The following INSR variants were observed in gnomAD, a reference collection of about 807,000 sequenced individuals.
The protein encoded by INSR is IR.
INSR carries 67 observed loss-of-function variants against 142.6 expected under a neutral mutation model. The observed-to-expected ratio is 0.47, with a 90% CI of 0.39 to 0.58. The LOEUF is 0.58. Among genes scored for constraint, INSR ranks in the 20% least tolerant of loss-of-function variants. The pLI is 0.00. For synonymous variants in INSR, 756 were observed against 743.1 expected (o/e 1.02, Z -0.28); for missense variants, 1,248 against 1,833.2 (o/e 0.68, Z 5.83).
intron 1 of INSR, among the ~76,000 whole-genome samples, chr19:7,286,594 C>G (rs1295629869): frequency 6.6e-6 from 1 of 151,880 alleles, no homozygotes; most frequent in African/African-American, 2.4e-5. Flanking sequence ...CATTATGTTG[C>G]CCAGGCTGGT....
chr19:7,142,756 G>A (rs1013349084), intron 12 of INSR, 60 bp downstream of exon 12: 6 of 1,590,082 alleles, frequency 3.8e-6, no homozygotes, highest in Non-Finnish European at 4.3e-6. Flanking sequence ...TGGAGAATCT[G>A]TCCTTGGTCA....
intron 21 of INSR, among the ~76,000 whole-genome samples, chr19:7,117,908 CTTT>C (rs34720676): frequency 2.3e-5 from 3 of 133,312 alleles, no homozygotes; most frequent in African/African-American, 2.7e-5. Flanking sequence ...TGCCTGGCCG[CTTT>C]TTTTTTTTTT....
intron 1 of INSR, among the ~76,000 whole-genome samples, chr19:7,269,862 C>T (rs903598285): frequency 6.7e-6 from 1 of 148,982 alleles, no homozygotes; most frequent in African/African-American, 2.5e-5. Flanking sequence ...TTCAGATAAG[C>T]AATAATACCT....
At chr19:7,197,869 T>A (rs66921136) in intron 2 of INSR, among the ~76,000 whole-genome samples, 2 of 106,596 alleles carry the variant, frequency 1.9e-5, no homozygotes, top group Non-Finnish European at 3.9e-5. Flanking sequence ...AGAGAGTGTG[T>A]GCGCGTGTGT....
intron 2 of INSR, among the ~76,000 whole-genome samples, chr19:7,263,556 T>C (rs1977130462): frequency 6.6e-6 from 1 of 152,178 alleles, no homozygotes; most frequent in Admixed American, 6.6e-5. Context: ...CGGTTCTTTT[T>C]ATTGTTTTGT....
chr19:7,183,480 G>T (rs1974328360), intron 3 of INSR, among the ~76,000 whole-genome samples: 1 of 152,082 alleles, frequency 6.6e-6, no homozygotes, highest in Non-Finnish European at 1.5e-5. Flanking sequence ...CAAACGGCAG[G>T]AAATGGTTTG....
rs1972632329 is a variant in INSR at position 7,125,788 on chromosome 19, C to T, written c.3014-261G>A. ...AATATGTCCTGAGGCAAACCTGCAT[C>T]CCCATCCTTCTTGTCTGATTTCAGA... is the stretch of plus-strand genomic sequence containing the variant. On this transcript the variant is annotated intron_variant, in intron 16 of 21. Coordinates refer to ENST00000302850, the MANE Select transcript of INSR (RefSeq NM_000208.4). This position sits in a 1 kb window ranked among gnomAD's most constrained non-coding sequence, Gnocchi z 4.9. Among the ~76,000 whole-genome samples, 2 of 152,188 alleles carry T rather than the reference C, an allele frequency of 1.3e-5. No individual in the cohort carries two copies. Among genetic ancestry groups the T allele is most frequent in the Non-Finnish European group, 2.9e-5 (2 of 68,030 alleles).
intron 2 of INSR, among the ~76,000 whole-genome samples, chr19:7,212,433 C>T (rs1975304145): frequency 6.6e-6 from 1 of 152,146 alleles, no homozygotes; most frequent in Non-Finnish European, 1.5e-5. Context: ...CATGTTGAAT[C>T]GAATGCCCAT....
At chr19:7,288,919 T>C (rs930749300) in intron 1 of INSR, among the ~76,000 whole-genome samples, 7 of 129,580 alleles carry the variant, frequency 5.4e-5, no homozygotes, top group Non-Finnish European at 1.1e-4. Context: ...GCCAAGATCA[T>C]GCCATTGCAC....
rs1425551417 is a variant in INSR at position 7,293,916 on chromosome 19, C to T, written c.-25G>A. 3 of 1,188,292 alleles carry T rather than the reference C, an allele frequency of 2.5e-6. No individual in the cohort carries two copies. Among genetic ancestry groups the T allele is most frequent in the Non-Finnish European group, 3.1e-6 (3 of 963,696 alleles). The allele number at this position is 1,188,292 out of a possible 1,614,324, so 73.6% of individuals were successfully genotyped here. ...TGGCTGCGGGAGCGCGGGGTCTCCT[C>T]GGATCAGAGCGCGCGGCGCTGGCCC... is the stretch of plus-strand genomic sequence containing the variant. On this transcript the variant is annotated 5_prime_UTR_variant, in exon 1 of 22. Transcript: ENST00000302850.
intron 13 of INSR, among the ~76,000 whole-genome samples, chr19:7,132,783 G>T (rs1459089606): frequency 6.6e-6 from 1 of 151,908 alleles, no homozygotes; most frequent in Admixed American, 6.6e-5. Flanking sequence ...TAAAGACAGG[G>T]TTTTACCATG....
intron 9 of INSR, 65 bp from the exon 10 acceptor site, chr19:7,152,992 CACA>C (rs1973415437): frequency 7.8e-5 from 66 of 851,008 alleles, no homozygotes; most frequent in Admixed American, 1.8e-4. Flanking sequence ...CACACACACA[CACA>C]CCCCACACAC....
chr19:7,132,833 C>T (rs570201998), intron 13 of INSR, among the ~76,000 whole-genome samples: 9 of 152,226 alleles, frequency 5.9e-5, no homozygotes, highest in South Asian at 4.2e-4. Context: ...TCAAGTGATC[C>T]GCCCACCTCG....
Position 7,153,012 on chromosome 19 carries a change from AC to A in INSR, c.2030-86del, listed in dbSNP as rs1973422824. 3.1e-5 allele frequency: 17 copies of A among 541,758 alleles called. 1 individual carries two copies. The highest frequency in any genetic ancestry group is 1.2e-4 in the African/African-American group (2 of 16,264). 33.6% of individuals were successfully genotyped at this position (541,758 alleles called of 1,614,324 possible). On this transcript the variant is annotated intron_variant, in intron 9 of 21. Transcript: ENST00000302850. ...ACACACACACCCCACACACACACAC[AC>A]CACACACACACACCACACACACACA...
chr19:7,287,580 CA>C (rs1293811484), intron 1 of INSR, among the ~76,000 whole-genome samples: 1 of 152,154 alleles, frequency 6.6e-6, no homozygotes, highest in Non-Finnish European at 1.5e-5. Context: ...ATGAAATCCT[CA>C]TTCAATGCCA....
chr19:7,177,843 G>A (rs925448055), intron 3 of INSR, among the ~76,000 whole-genome samples: 1 of 151,070 alleles, frequency 6.6e-6, no homozygotes, highest in Admixed American at 6.6e-5. Flanking sequence ...AACCGTGCCC[G>A]GCCAGTTAAG....
chr19:7,147,470 C>T (rs1442331037), intron 11 of INSR, among the ~76,000 whole-genome samples: 1 of 152,064 alleles, frequency 6.6e-6, no homozygotes, highest in African/African-American at 2.4e-5. Flanking sequence ...TCACTGCGCC[C>T]AGCCTGTAAG....
Position 7,126,479 on chromosome 19 carries a change from C to T in INSR, c.3013+105G>A, listed in dbSNP as rs1599875468. Reference sequence around the variant, plus strand: ...AGCTCAAATGAATAAGAGGGCTTTTCTTGGCCTCCCTGGGGAACCCATCCT... The same window carrying T: ...AGCTCAAATGAATAAGAGGGCTTTTTTTGGCCTCCCTGGGGAACCCATCCT... On this transcript the variant is annotated intron_variant, in intron 16 of 21. Transcript: ENST00000302850. 4.4e-5 allele frequency: 46 copies of T among 1,044,426 alleles called. No individual in the cohort carries two copies. The South Asian group carries it at 4.8e-4, about 11-fold the overall frequency. The allele number at this position is 1,044,426 out of a possible 1,614,324, so 64.7% of individuals were successfully genotyped here. A position where few individuals can be genotyped will look rare whatever the true frequency, so the allele number is the denominator to read the frequency against.
At chr19:7,232,461 T>A (rs1175422342) in intron 2 of INSR, among the ~76,000 whole-genome samples, 2 of 152,224 alleles carry the variant, frequency 1.3e-5, no homozygotes, top group Non-Finnish European at 2.9e-5. Context: ...GTCAAAGTGT[T>A]GGGATGACAG....
Sources: allele counts gnomAD v4.1 joint callset (sites outside exome capture counted in the v4.1 genomes callset), GRCh38; gene constraint gnomAD v4.1.1; non-coding constraint Gnocchi (gnomAD v3.1); transcripts MANE v1.5; gene names NCBI Gene and HGNC (gene_info 2026-07-23, HGNC 2026-07-21).